The following DLGAP2 variants were observed in gnomAD, a reference collection of about 807,000 sequenced individuals.
The protein encoded by DLGAP2 is DLG associated protein 2.
Under a neutral mutation model 100.3 loss-of-function variants are expected in DLGAP2, and 26 were observed. The observed-to-expected ratio is 0.26, with a 90% CI of 0.19 to 0.36. The LOEUF (loss-of-function observed/expected upper bound fraction) is 0.36, where lower values mean the gene tolerates loss of function less well. Ranked by LOEUF, DLGAP2 falls within the 10% of genes least tolerant of loss-of-function variation. The pLI is 1.00. For synonymous variants in DLGAP2, 886 were observed against 630.1 expected (o/e 1.41, Z -6.08); for missense variants, 1,858 against 1,453.2 (o/e 1.28, Z -4.53).
rs563258940 is a variant in DLGAP2 at position 1,100,321 on chromosome 8, C to G, written c.74-158530C>G. Among the ~76,000 whole-genome samples the G allele has an allele frequency of 4.6e-5, 7 of 152,132 alleles. No homozygotes were observed. In the South Asian group the frequency reaches 8.3e-4, roughly 18 times the overall value. ...AGCGTGTGTAGGGAAAACCTTTGTC[C>G]AGCATGTCCACAGTGTACAGCGTGT... On this transcript the variant is annotated intron_variant, in intron 2 of 14. Coordinates refer to ENST00000637795, the MANE Select transcript of DLGAP2 (RefSeq NM_001346810.2).
In DLGAP2 at chr8:755,425, C is replaced by G. The variant is rs768614016; in HGVS notation, c.18+17600C>G. 3.5e-4 allele frequency among the ~76,000 whole-genome samples: 53 copies of G among 152,212 alleles called. 1 individual carries two copies. Among genetic ancestry groups the G allele is most frequent in the Non-Finnish European group, 5.1e-4 (35 of 68,016 alleles). ...AGTGAGCTGTGATTGCCACTGCACT[C>G]CAGCCTGGGCGACAGAGCAAGACCC... On this transcript the variant is annotated intron_variant, in intron 1 of 14. Transcript: ENST00000637795.
chr8:1,511,707 A>G (rs1283627378), intron 4 of DLGAP2, among the ~76,000 whole-genome samples: 1 of 149,650 alleles, frequency 6.7e-6, no homozygotes, highest in African/African-American at 2.5e-5. Context: ...TCTTCCATGG[A>G]CGTAAGTGCT....
intron 6 of DLGAP2, among the ~76,000 whole-genome samples, chr8:1,591,720 G>A (rs1022631183): frequency 3.3e-5 from 5 of 152,088 alleles, no homozygotes; most frequent in East Asian, 3.9e-4. Context: ...CCACACACCC[G>A]CATATCTCCT....
intron 2 of DLGAP2, among the ~76,000 whole-genome samples, chr8:1,170,541 A>G (rs894927596): frequency 2.0e-5 from 3 of 149,918 alleles, no homozygotes; most frequent in African/African-American, 7.4e-5. Context: ...TAAGCTATTG[A>G]TTATTGCCAC....
intron 2 of DLGAP2, among the ~76,000 whole-genome samples, chr8:1,237,382 CTCACATGGCGCCGTGTCTAGTTACCTA>C (rs1563271745): frequency 9.5e-6 from 1 of 105,112 alleles, no homozygotes; most frequent in East Asian, 2.9e-4. Flanking sequence ...GTCTGTTTCT[CTCACATGGCGCCGTGTCTAGTTACCTA>C]TCACATGGTG....
chr8:1,023,332 C>T (rs762323533), intron 2 of DLGAP2, among the ~76,000 whole-genome samples: 11 of 152,108 alleles, frequency 7.2e-5, no homozygotes, highest in African/African-American at 1.2e-4. Context: ...CAGCTGTCTT[C>T]GCTCCTCTCT....
At chr8:1,114,884 G>C (rs1218611615) in intron 2 of DLGAP2, among the ~76,000 whole-genome samples, 5 of 152,076 alleles carry the variant, frequency 3.3e-5, no homozygotes, top group Non-Finnish European at 7.4e-5. Context: ...AGAGATTCTG[G>C]TATGTTCTTT....
At chr8:1,062,782 C>T (rs141661345) in intron 2 of DLGAP2, among the ~76,000 whole-genome samples, 25 of 152,218 alleles carry the variant, frequency 1.6e-4, no homozygotes, top group African/African-American at 5.5e-4. Context: ...TCTTAATTGC[C>T]AGGAGGCTTT....
At position 1,350,529 on chromosome 8, in the gene DLGAP2, A is replaced by T. The variant is rs71497111; in HGVS notation, c.106+91646A>T. On this transcript the variant is annotated intron_variant, in intron 3 of 14. Transcript: ENST00000637795. The stretch of plus-strand genomic sequence containing the variant: ...GTGGAAAGGCCGTGCGGGTCCTGAC[A>T]GTGCGTGGAAAGGCCGTGCGGGTCC... 1.4e-3 allele frequency among the ~76,000 whole-genome samples: 58 copies of T among 42,850 alleles called. 1 individual carries two copies. Among genetic ancestry groups the T allele is most frequent in the African/African-American group, 5.9e-3 (50 of 8,436 alleles). 28.1% of individuals were successfully genotyped at this position (42,850 alleles called of 152,430 possible). A position where few individuals can be genotyped will look rare whatever the true frequency, so the allele number is the denominator to read the frequency against.
At chr8:1,344,199 G>T (rs1359788971) in intron 3 of DLGAP2, among the ~76,000 whole-genome samples, 7 of 152,142 alleles carry the variant, frequency 4.6e-5, no homozygotes, top group Non-Finnish European at 1.0e-4. Context: ...CGTGTACTCG[G>T]GGCCCTGTCG....
intron 1 of DLGAP2, among the ~76,000 whole-genome samples, chr8:760,155 C>T (rs142795379): frequency 6.6e-6 from 1 of 152,192 alleles, no homozygotes; most frequent in African/African-American, 2.4e-5. Flanking sequence ...GTGGCTTCTT[C>T]TTCTCTTGCA....
At chr8:1,216,535 A>G (rs142700870) in intron 2 of DLGAP2, among the ~76,000 whole-genome samples, 39 of 150,076 alleles carry the variant, frequency 2.6e-4, no homozygotes, top group African/African-American at 8.3e-4. Flanking sequence ...TTGTCTCACT[A>G]TGTTGCCCAG....
intron 2 of DLGAP2, among the ~76,000 whole-genome samples, chr8:1,118,968 A>G (rs1220293201): frequency 2.0e-5 from 3 of 152,224 alleles, no homozygotes; most frequent in African/African-American, 4.8e-5. Flanking sequence ...TTGATGTTCA[A>G]TATCATTTTA....
At chr8:1,695,393 GCC>G (rs1247201780) in intron 13 of DLGAP2, among the ~76,000 whole-genome samples, 1 of 140,724 alleles carries the variant, frequency 7.1e-6, no homozygotes, top group African/African-American at 3.0e-5. Flanking sequence ...AGGGGGCACA[GCC>G]TTACCCGGCC....
rs1021188237 is a variant in DLGAP2 at position 1,360,228 on chromosome 8, C to T, written c.106+101345C>T. 3.5e-3 allele frequency among the ~76,000 whole-genome samples: 438 copies of T among 124,652 alleles called. 1 individual carries two copies. Among genetic ancestry groups the T allele is most frequent in the African/African-American group, 5.7e-3 (177 of 31,264 alleles). 81.8% of individuals were successfully genotyped at this position (124,652 alleles called of 152,430 possible). On this transcript the variant is annotated intron_variant, in intron 3 of 14. Transcript: ENST00000637795. The stretch of plus-strand genomic sequence containing the variant: ...GCGGGGCTTTTCCGGGGCGGGGCTT[C>T]TCCGGGGCGGGGCTTCTCCGGGGCG...
intron 1 of DLGAP2, among the ~76,000 whole-genome samples, chr8:755,998 C>T (rs1019491512): frequency 7.9e-5 from 12 of 152,276 alleles, no homozygotes; most frequent in South Asian, 2.1e-4. Context: ...TGCCCTGAGC[C>T]GCTAGGGTCC....
At chr8:1,461,201 C>T (rs113572955) in intron 3 of DLGAP2, among the ~76,000 whole-genome samples, 3 of 138,974 alleles carry the variant, frequency 2.2e-5, no homozygotes, top group African/African-American at 5.5e-5. Flanking sequence ...TGGGTGCAGT[C>T]GCTGATTCGG....
chr8:1,373,018 G>A (rs1169765830), intron 3 of DLGAP2, among the ~76,000 whole-genome samples: 1 of 152,172 alleles, frequency 6.6e-6, no homozygotes, highest in African/African-American at 2.4e-5. Context: ...TCATAGTTGA[G>A]CCGTCCTTGA....
intron 2 of DLGAP2, among the ~76,000 whole-genome samples, chr8:927,777 C>T (rs753263329): frequency 6.6e-6 from 1 of 151,904 alleles, no homozygotes; most frequent in East Asian, 1.9e-4. Context: ...TGTTCTTGGT[C>T]GTTCCTGGAG....
Sources: gnomAD v4.1 joint callset for allele counts (sites outside exome capture counted in the v4.1 genomes callset) on GRCh38, gnomAD v4.1.1 for gene constraint, MANE v1.5 for transcripts, NCBI Gene and HGNC (gene_info 2026-07-23, HGNC 2026-07-21) for gene names.